Variants in CAPZB observed in about 807,000 individuals in gnomAD.
CAPZB encodes capping actin protein of muscle Z-line subunit beta.
CAPZB carries 2 observed loss-of-function variants against 38.1 expected under a neutral mutation model. That is an observed-to-expected ratio of 0.05 (90% CI 0.02 to 0.17). CAPZB has a LOEUF of 0.17. CAPZB is among the 10% of genes least tolerant of loss of function. The probability of loss-of-function intolerance (pLI) is 1.00; values close to 1 mark genes in which losing one functional copy is unlikely to be tolerated. For missense variants in CAPZB, 161 were observed against 334.2 expected, an observed-to-expected ratio of 0.48 and a Z score of 4.04; for synonymous variants, 107 against 127.4, an observed-to-expected ratio of 0.84 and a Z score of 1.08.
At chr1:19,379,966 C>T (rs1174878087) in intron 3 of CAPZB, among the ~76,000 whole-genome samples, 1 of 152,172 alleles carries the variant, frequency 6.6e-6, no homozygotes, top group Non-Finnish European at 1.5e-5. Context: ...TTTCCGCATC[C>T]CCTCCTGACC....
chr1:19,351,445 C>T (rs1336563908), intron 6 of CAPZB, among the ~76,000 whole-genome samples: 3 of 152,118 alleles, frequency 2.0e-5, no homozygotes, highest in African/African-American at 4.8e-5. Flanking sequence ...GAAGCTAGGA[C>T]CACAGATGCC....
intron 2 of CAPZB, among the ~76,000 whole-genome samples, chr1:19,402,093 C>T (rs930553038): frequency 6.6e-6 from 1 of 152,216 alleles, no homozygotes; most frequent in Non-Finnish European, 1.5e-5. Flanking sequence ...GGACTCTCCA[C>T]CCTTCTCCTC....
chr1:19,350,202 G>C (rs2093984262), intron 6 of CAPZB, among the ~76,000 whole-genome samples: 1 of 152,272 alleles, frequency 6.6e-6, no homozygotes, highest in Non-Finnish European at 1.5e-5. Context: ...GCAGGGCGTG[G>C]CCCTAAGGCA....
chr1:19,459,820 C>T lies in CAPZB; in HGVS notation c.3+25616G>A, dbSNP rs1028036146. Among the ~76,000 whole-genome samples the T allele has an allele frequency of 3.3e-5, 5 of 152,176 alleles. 1 individual carries two copies. Among genetic ancestry groups the T allele is most frequent in the African/African-American group, 4.8e-5 (2 of 41,432 alleles). On this transcript the variant is annotated intron_variant, in intron 1 of 8. Coordinates refer to ENST00000264202, the MANE Select transcript of CAPZB (RefSeq NM_004930.5). ...CTCTGAGTAGCATGATGACATCCTG[C>T]TGTACCGCCCCAGACGTAAATCATC...
intron 1 of CAPZB, among the ~76,000 whole-genome samples, chr1:19,479,589 A>G (rs1397312955): frequency 6.6e-6 from 1 of 151,994 alleles, no homozygotes; most frequent in African/African-American, 2.4e-5. Context: ...CTCTGCCTTT[A>G]TCTCCTTCCA....
At chr1:19,430,213 C>T (rs181434326) in intron 1 of CAPZB, among the ~76,000 whole-genome samples, 62 of 152,296 alleles carry the variant, frequency 4.1e-4, no homozygotes, top group Non-Finnish European at 7.2e-4. Context: ...AATTTCCACG[C>T]GCCTCTCCCT....
chr1:19,345,319 C>T (rs994846795), intron 6 of CAPZB, 67 bp from the exon 7 acceptor site: 16 of 1,273,170 alleles, frequency 1.3e-5, no homozygotes, highest in African/African-American at 1.0e-4. Flanking sequence ...AGACAGCCCA[C>T]CCCACCTCCA....
chr1:19,428,205 C>T (rs983201648), intron 1 of CAPZB, among the ~76,000 whole-genome samples: 1 of 152,168 alleles, frequency 6.6e-6, no homozygotes, highest in Non-Finnish European at 1.5e-5. Flanking sequence ...GAGTTCAAGA[C>T]CAGCATGGCC....
Position 19,407,167 on chromosome 1 carries a change from G to A in CAPZB, c.93+12494C>T, listed in dbSNP as rs139013325. 6.4e-3 allele frequency among the ~76,000 whole-genome samples: 978 copies of A among 152,314 alleles called. 14 individuals are homozygous for A. The highest frequency in any genetic ancestry group is 0.022 in the African/African-American group (903 of 41,564). ...CTCTGGCCTGGCATATAAAGGTGTG[G>A]TAGGGGGCACTAAATGGCCAATCTG... On this transcript the variant is annotated intron_variant, in intron 2 of 8. Coordinates refer to ENST00000264202, the MANE Select transcript of CAPZB (RefSeq NM_004930.5).
At chr1:19,369,989 G>A (rs762140868) in intron 4 of CAPZB, among the ~76,000 whole-genome samples, 6 of 152,136 alleles carry the variant, frequency 3.9e-5, no homozygotes, top group Non-Finnish European at 7.4e-5. Context: ...CCTGCTCCTG[G>A]CCTCTCCAAT....
At chr1:19,349,536 C>T (rs571816923) in intron 6 of CAPZB, among the ~76,000 whole-genome samples, 1 of 152,312 alleles carries the variant, frequency 6.6e-6, no homozygotes, top group South Asian at 2.1e-4. Context: ...TGGGCAAGTC[C>T]AGTCACATCA....
intron 6 of CAPZB, among the ~76,000 whole-genome samples, chr1:19,354,751 C>T (rs1378821063): frequency 6.6e-6 from 1 of 152,264 alleles, no homozygotes; most frequent in South Asian, 2.1e-4. Flanking sequence ...CACTGTAAAC[C>T]GGGTGGAATT....
intron 3 of CAPZB, among the ~76,000 whole-genome samples, chr1:19,383,639 G>C (rs1483407300): frequency 1.3e-5 from 2 of 152,034 alleles, no homozygotes; most frequent in Non-Finnish European, 2.9e-5. Flanking sequence ...AATTTGATCG[G>C]CCTCAGGGCT....
At chr1:19,471,783 C>T (rs577619311) in intron 1 of CAPZB, among the ~76,000 whole-genome samples, 3 of 145,942 alleles carry the variant, frequency 2.1e-5, no homozygotes, top group East Asian at 4.0e-4. Flanking sequence ...AGGAGAATGG[C>T]GTGAACCAGG....
rs1186623898 is a variant in CAPZB at position 19,390,866 on chromosome 1, C to A, written c.94-5240G>T. On this transcript the variant is annotated intron_variant, in intron 2 of 8. Transcript: ENST00000264202. ...TGCGTGGCAGGCACTATGCTAGCAG[C>A]TCTCCCTGCCCTTCCCTATGATCCT... 1.3e-5 allele frequency among the ~76,000 whole-genome samples: 2 copies of A among 152,216 alleles called. 1 individual carries two copies. The highest frequency in any genetic ancestry group is 3.9e-4 in the East Asian group (2 of 5,192).
intron 2 of CAPZB, among the ~76,000 whole-genome samples, chr1:19,393,579 A>G (rs936340621): frequency 6.6e-6 from 1 of 152,220 alleles, no homozygotes; most frequent in Non-Finnish European, 1.5e-5. Flanking sequence ...CAGCTCTTCC[A>G]AAGACCAGGC....
At chr1:19,359,112 A>C (rs2094038086) in intron 4 of CAPZB, among the ~76,000 whole-genome samples, 1 of 152,110 alleles carries the variant, frequency 6.6e-6, no homozygotes, top group Admixed American at 6.6e-5. Context: ...CTAGAAATTA[A>C]CATGTATCTG....
chr1:19,484,957 G>A (rs1355954629), intron 1 of CAPZB, among the ~76,000 whole-genome samples: 13 of 152,182 alleles, frequency 8.5e-5, no homozygotes, highest in East Asian at 1.9e-4. Context: ...TGAGGCCATG[G>A]AGAAGGCAAA....
chr1:19,481,386 G>T (rs991995195), intron 1 of CAPZB, among the ~76,000 whole-genome samples: 1 of 152,130 alleles, frequency 6.6e-6, no homozygotes, highest in Non-Finnish European at 1.5e-5. Flanking sequence ...CTGTATTTAC[G>T]GGGCCCTCTG....
Sources: gnomAD v4.1 joint callset for allele counts (sites outside exome capture counted in the v4.1 genomes callset) on GRCh38, gnomAD v4.1.1 for gene constraint, MANE v1.5 for transcripts, NCBI Gene and HGNC (gene_info 2026-07-23, HGNC 2026-07-21) for gene names.